The following JAKMIP2 variants were observed in gnomAD, a reference collection of about 807,000 sequenced individuals.
The protein encoded by JAKMIP2 is janus kinase and microtubule-interacting protein 2.
In JAKMIP2, 25 loss-of-function variants were observed where a neutral mutation model predicts 115.0. The ratio of observed to expected loss-of-function variants is 0.22; its 90% CI spans 0.16 to 0.30. The LOEUF (loss-of-function observed/expected upper bound fraction) is 0.30, where lower values mean the gene tolerates loss of function less well. Among genes scored for constraint, JAKMIP2 ranks in the 10% least tolerant of loss-of-function variants. The pLI is 1.00. For missense variants in JAKMIP2, 642 were observed against 957.6 expected, an observed-to-expected ratio of 0.67 and a Z score of 4.35; for synonymous variants, 334 against 343.6, an observed-to-expected ratio of 0.97 and a Z score of 0.31.
At chr5:147,711,536 G>A (rs893237814) in intron 1 of JAKMIP2, among the ~76,000 whole-genome samples, 5 of 152,108 alleles carry the variant, frequency 3.3e-5, no homozygotes, top group Non-Finnish European at 7.4e-5. Context: ...TGGATTTGGG[G>A]GCAACCTAAT....
intron 1 of JAKMIP2, among the ~76,000 whole-genome samples, chr5:147,773,786 T>C (rs1449710264): frequency 6.6e-6 from 1 of 152,088 alleles, no homozygotes; most frequent in African/African-American, 2.4e-5. Context: ...CGATTTCCCT[T>C]GTCGTAGGCT....
rs1554086075 is a variant in JAKMIP2, at chr5:147,764,930, G to GAAAGAAA, written c.-149+17525_-149+17526insTTTCTTT. Among the ~76,000 whole-genome samples the GAAAGAAA allele has an allele frequency of 1.3e-4, 12 of 88,934 alleles. No individual in the cohort carries two copies. The East Asian group carries it at 1.6e-3, about 12-fold the overall frequency. The allele number at this position is 88,934 out of a possible 152,430, so 58.3% of individuals were successfully genotyped here. On this transcript the variant is annotated intron_variant, in intron 1 of 21. Transcript: ENST00000616793. ...AGAAAGAAAGAAAGAAAGAGAGAGA[G>GAAAGAAA]AGAGAGAGAGAGAGAGGGAGAGAGA...
chr5:147,650,903 G>T (rs568605336), intron 3 of JAKMIP2, among the ~76,000 whole-genome samples: 25 of 152,244 alleles, frequency 1.6e-4, no homozygotes, highest in Non-Finnish European at 2.9e-4. Context: ...CCACTCTAAT[G>T]TTTCCTAGGA....
At chr5:147,762,272 T>G (rs923164597) in intron 1 of JAKMIP2, among the ~76,000 whole-genome samples, 1 of 152,174 alleles carries the variant, frequency 6.6e-6, no homozygotes, top group Admixed American at 6.5e-5. Context: ...ATAAACATGA[T>G]GCAAACCCTT....
chr5:147,694,927 G>T (rs1561543283), intron 1 of JAKMIP2, among the ~76,000 whole-genome samples: 3 of 152,138 alleles, frequency 2.0e-5, no homozygotes, highest in African/African-American at 7.2e-5. Flanking sequence ...GACAAATTTT[G>T]TGTTTGTTTA....
intron 1 of JAKMIP2, among the ~76,000 whole-genome samples, chr5:147,699,707 T>C (rs1325127289): frequency 3.3e-5 from 5 of 152,218 alleles, no homozygotes; most frequent in South Asian, 4.1e-4. Context: ...ACACCACAGA[T>C]GGCTCTATCC....
Position 147,769,326 on chromosome 5 carries a change from C to A in JAKMIP2, c.-149+13130G>T, listed in dbSNP as rs561347216. Reference sequence around the variant, plus strand: ...CATTTCATCTAAACTACGGAGAGGGCGGCAAAAGTGTAAGCAGATCCTTCA... The same window carrying A: ...CATTTCATCTAAACTACGGAGAGGGAGGCAAAAGTGTAAGCAGATCCTTCA... On this transcript the variant is annotated intron_variant, in intron 1 of 21. Transcript: ENST00000616793. 2.0e-5 allele frequency among the ~76,000 whole-genome samples: 3 copies of A among 152,192 alleles called. No individual in the cohort carries two copies. The East Asian group carries it at 5.8e-4, about 29-fold the overall frequency.
Position 147,712,917 on chromosome 5 carries a change from T to C in JAKMIP2, c.-148-40963A>G, listed in dbSNP as rs1419616814. On this transcript the variant is annotated intron_variant, in intron 1 of 21. Coordinates refer to ENST00000616793, the MANE Select transcript of JAKMIP2 (RefSeq NM_001270941.2). ...GCTAAGAATTGAAATAAATTCTTTGTTGAGTTCATAAATCCAAGTAATTCT... is the reference window on the plus strand; with the variant it reads ...GCTAAGAATTGAAATAAATTCTTTGCTGAGTTCATAAATCCAAGTAATTCT... Among the ~76,000 whole-genome samples the C allele has an allele frequency of 4.6e-5, 7 of 152,230 alleles. No individual in the cohort carries two copies. The South Asian group carries it at 1.4e-3, about 31-fold the overall frequency.
At chr5:147,625,169 C>T (rs1360976587) in intron 16 of JAKMIP2, among the ~76,000 whole-genome samples, 6 of 151,984 alleles carry the variant, frequency 3.9e-5, no homozygotes, top group African/African-American at 9.7e-5. Flanking sequence ...TTAGTAGAGA[C>T]GGGGTTTCAC....
At chr5:147,629,864 A>T (rs1299263020) in intron 14 of JAKMIP2, 118 bp from the exon 15 acceptor site, 1 of 705,196 alleles carries the variant, frequency 1.4e-6, no homozygotes, top group African/African-American at 1.8e-5. Flanking sequence ...GGATGTTTTC[A>T]ATCTGGCACA....
chr5:147,746,853 T>C (rs1754363462), intron 1 of JAKMIP2, among the ~76,000 whole-genome samples: 1 of 152,232 alleles, frequency 6.6e-6, no homozygotes, highest in Admixed American at 6.5e-5. Flanking sequence ...TAACACAGTT[T>C]GTTTAATGAT....
intron 1 of JAKMIP2, among the ~76,000 whole-genome samples, chr5:147,764,578 T>A (rs1336697642): frequency 6.6e-6 from 1 of 151,800 alleles, no homozygotes. Context: ...TTTCAAGTGA[T>A]CCATAATCTA....
intron 1 of JAKMIP2, among the ~76,000 whole-genome samples, chr5:147,685,674 T>C (rs1760531725): frequency 6.6e-6 from 1 of 152,184 alleles, no homozygotes; most frequent in African/African-American, 2.4e-5. Context: ...ATTCCACAAC[T>C]TATTTGAAAG....
chr5:147,594,107 C>T (rs1401462464), intron 21 of JAKMIP2, among the ~76,000 whole-genome samples: 1 of 152,082 alleles, frequency 6.6e-6, no homozygotes, highest in Admixed American at 6.6e-5. Flanking sequence ...CAGGCAGTCT[C>T]CTGGAATGTT....
At chr5:147,734,323 T>C (rs1753839872) in intron 1 of JAKMIP2, among the ~76,000 whole-genome samples, 1 of 151,948 alleles carries the variant, frequency 6.6e-6, no homozygotes, top group South Asian at 2.1e-4. Flanking sequence ...TATGCAGCCA[T>C]AAAAAATAAT....
At chr5:147,592,888 A>G (rs1289896518) in intron 21 of JAKMIP2, among the ~76,000 whole-genome samples, 1 of 152,216 alleles carries the variant, frequency 6.6e-6, no homozygotes, top group East Asian at 1.9e-4. Flanking sequence ...ATATTTGCAG[A>G]GCCATTTTGC....
chr5:147,718,826 G>GT (rs1372159894), intron 1 of JAKMIP2, among the ~76,000 whole-genome samples: 5 of 151,510 alleles, frequency 3.3e-5, no homozygotes, highest in African/African-American at 9.7e-5. Context: ...TTTTTGAAGG[G>GT]TTTTTTGTGT....
intron 10 of JAKMIP2, among the ~76,000 whole-genome samples, chr5:147,638,383 A>G (rs1208160847): frequency 6.6e-6 from 1 of 152,172 alleles, no homozygotes; most frequent in African/African-American, 2.4e-5. Context: ...AAAAATAAAA[A>G]TAAAATAATA....
At chr5:147,734,582 A>G (rs1442616067) in intron 1 of JAKMIP2, among the ~76,000 whole-genome samples, 1 of 151,734 alleles carries the variant, frequency 6.6e-6, no homozygotes, top group East Asian at 1.9e-4. Context: ...GCAAACCACC[A>G]TGGCACATGT....
Sources: gnomAD v4.1 joint callset for allele counts (sites outside exome capture counted in the v4.1 genomes callset) on GRCh38, gnomAD v4.1.1 for gene constraint, MANE v1.5 for transcripts, NCBI Gene and HGNC (gene_info 2026-07-23, HGNC 2026-07-21) for gene names.